The following FRMPD1 variants were observed in gnomAD, a reference collection of about 807,000 sequenced individuals.
The protein encoded by FRMPD1 is FERM and PDZ domain-containing protein 1.
Under a neutral mutation model 117.8 loss-of-function variants are expected in FRMPD1, and 76 were observed. The observed-to-expected ratio is 0.65, with a 90% CI of 0.54 to 0.78. The LOEUF is 0.78. Ranked by LOEUF, FRMPD1 falls within the 30% of genes least tolerant of loss-of-function variation. The probability of loss-of-function intolerance (pLI) is 0.00; values close to 1 mark genes in which losing one functional copy is unlikely to be tolerated. For missense variants in FRMPD1, 1,786 were observed against 1,964.5 expected, an observed-to-expected ratio of 0.91 and a Z score of 1.72; for synonymous variants, 783 against 770.4, an observed-to-expected ratio of 1.02 and a Z score of -0.27.
chr9:37,720,521 C>A (rs113506771), intron 6 of FRMPD1, among the ~76,000 whole-genome samples: 1 of 152,248 alleles, frequency 6.6e-6, no homozygotes, highest in South Asian at 2.1e-4. Context: ...AAAAATTAGC[C>A]GGGCGTGGTG....
chr9:37,694,209 G>T (rs1278641814), intron 2 of FRMPD1, among the ~76,000 whole-genome samples: 1 of 152,194 alleles, frequency 6.6e-6, no homozygotes, highest in Non-Finnish European at 1.5e-5. Context: ...CATTAAAAGA[G>T]ATTCTGTGGC....
intron 3 of FRMPD1, 67 bp downstream of exon 3, chr9:37,707,640 C>A: frequency 7.7e-7 from 1 of 1,291,578 alleles, no homozygotes; most frequent in South Asian, 1.3e-5. Flanking sequence ...CAAATCTCCC[C>A]GATCTCTCTA....
chr9:37,645,327 T>C, the FRMPD1 span, among the ~76,000 whole-genome samples: 3 of 152,228 alleles, frequency 2.0e-5, no homozygotes, highest in African/African-American at 7.2e-5. Flanking sequence ...TCTTATTGCC[T>C]TCCTCTGTTT....
upstream of FRMPD1, among the ~76,000 whole-genome samples, chr9:37,646,604 G>A (rs1397104452): frequency 2.6e-5 from 4 of 152,068 alleles, no homozygotes; most frequent in South Asian, 4.1e-4. Flanking sequence ...TTCTAACATC[G>A]AAAACACTTA....
the FRMPD1 span, among the ~76,000 whole-genome samples, chr9:37,640,436 A>G: frequency 6.6e-6 from 1 of 152,346 alleles, no homozygotes; most frequent in Non-Finnish European, 1.5e-5. Flanking sequence ...ACTAATGGAC[A>G]CATTAGTATC....
At chr9:37,688,549 T>A (rs906126614) in intron 1 of FRMPD1, among the ~76,000 whole-genome samples, 3 of 152,086 alleles carry the variant, frequency 2.0e-5, no homozygotes, top group Non-Finnish European at 4.4e-5. Context: ...TTCTAGGAAT[T>A]TATCCCCCCA....
intron 9 of FRMPD1, among the ~76,000 whole-genome samples, chr9:37,732,030 A>G (rs887576641): frequency 6.6e-6 from 1 of 152,228 alleles, no homozygotes; most frequent in Non-Finnish European, 1.5e-5. Context: ...AATACTTTAT[A>G]TTTGTATAAC....
At chr9:37,656,669 A>G (rs534702950) in intron 1 of FRMPD1, among the ~76,000 whole-genome samples, 10 of 150,520 alleles carry the variant, frequency 6.6e-5, no homozygotes, top group East Asian at 3.9e-4. Context: ...TACAGATTAC[A>G]TTATACAGGT....
At chr9:37,668,968 G>C (rs1821257351) in intron 1 of FRMPD1, among the ~76,000 whole-genome samples, 2 of 152,174 alleles carry the variant, frequency 1.3e-5, no homozygotes, top group African/African-American at 2.4e-5. Flanking sequence ...TAGGATGTGA[G>C]ACCCCAGGCT....
intron 13 of FRMPD1, among the ~76,000 whole-genome samples, chr9:37,736,293 G>A (rs951906827): frequency 1.3e-5 from 2 of 151,690 alleles, no homozygotes; most frequent in Non-Finnish European, 2.9e-5. Flanking sequence ...GAGCCACCGC[G>A]CCCGGCCCAC....
intron 1 of FRMPD1, among the ~76,000 whole-genome samples, chr9:37,675,116 A>G (rs10973482): frequency 0.1 from 15,182 of 152,104 alleles, 1,108 homozygotes; most frequent in African/African-American, 0.21. Context: ...GGGTGCTACA[A>G]TGATCCACGT....
chr9:37,718,251 C>A (rs767647539), intron 5 of FRMPD1, among the ~76,000 whole-genome samples: 30 of 152,230 alleles, frequency 2.0e-4, no homozygotes, highest in Admixed American at 3.9e-4. Flanking sequence ...CTTCTCCCAT[C>A]TTCACAGAAC....
At chr9:37,608,468 T>G in the FRMPD1 span, among the ~76,000 whole-genome samples, 23 of 151,466 alleles carry the variant, frequency 1.5e-4, no homozygotes, top group East Asian at 4.5e-3. Context: ...CTTCCTTCCC[T>G]CCTTCCTTCC....
intron 15 of FRMPD1, among the ~76,000 whole-genome samples, chr9:37,743,992 C>T (rs1824552620): frequency 6.6e-6 from 1 of 151,916 alleles, no homozygotes; most frequent in African/African-American, 2.4e-5. Flanking sequence ...AGTTCGAGAC[C>T]ACCCTGACCA....
chr9:37,638,012 CTTTCTTTCTT>C, the FRMPD1 span, among the ~76,000 whole-genome samples: 6 of 125,028 alleles, frequency 4.8e-5, 2 homozygotes, highest in East Asian at 4.3e-4. Flanking sequence ...TTCTTTCTTT[CTTTCTTTCTT>C]TCTCTCTCTT....
chr9:37,734,999 G>T (rs565754685), intron 12 of FRMPD1, among the ~76,000 whole-genome samples: 28 of 152,364 alleles, frequency 1.8e-4, no homozygotes, highest in Admixed American at 8.5e-4. Context: ...GGTGCTTGCT[G>T]GGCACTGCGG....
chr9:37,744,066 G>A (rs1409115637), intron 15 of FRMPD1, among the ~76,000 whole-genome samples: 1 of 151,976 alleles, frequency 6.6e-6, no homozygotes, highest in Non-Finnish European at 1.5e-5. Flanking sequence ...GCAGATGCCT[G>A]TAATCTCAGC....
chr9:37,665,422 A>G, intron 1 of FRMPD1, among the ~76,000 whole-genome samples: 1 of 152,238 alleles, frequency 6.6e-6, no homozygotes, highest in East Asian at 1.9e-4. Context: ...AAATGAGCAC[A>G]TCATTTATCT....
chr9:37,610,822 G>A, the FRMPD1 span, among the ~76,000 whole-genome samples: 3 of 151,904 alleles, frequency 2.0e-5, no homozygotes, highest in African/African-American at 4.8e-5. Context: ...GACTGGTCTC[G>A]AACTCCCAAC....
Sources: allele counts gnomAD v4.1 joint callset (sites outside exome capture counted in the v4.1 genomes callset), GRCh38; gene constraint gnomAD v4.1.1; transcripts MANE v1.5; gene names NCBI Gene and HGNC (gene_info 2026-07-23, HGNC 2026-07-21).